DCC: variants seen among roughly 807,000 people sequenced by gnomAD.
DCC encodes DCC netrin 1 receptor, also known as netrin receptor DCC.
In DCC, 58 loss-of-function variants were observed where a neutral mutation model predicts 172.5. That is an observed-to-expected ratio of 0.34 (90% CI 0.27 to 0.42). DCC has a LOEUF of 0.42. DCC is among the 10% of genes least tolerant of loss of function. The pLI is 1.00. For synonymous variants in DCC, 709 were observed against 644.5 expected (o/e 1.10, Z -1.52); for missense variants, 1,740 against 1,791.0 (o/e 0.97, Z 0.51).
At chr18:53,092,574 C>G (rs9951892) in intron 7 of DCC, among the ~76,000 whole-genome samples, 1 of 152,034 alleles carries the variant, frequency 6.6e-6, no homozygotes, top group Non-Finnish European at 1.5e-5. Flanking sequence ...TTGACACAGT[C>G]AAGAAGGAAA....
At chr18:52,988,649 A>G (rs369683305) in intron 5 of DCC, among the ~76,000 whole-genome samples, 5 of 152,118 alleles carry the variant, frequency 3.3e-5, no homozygotes, top group East Asian at 3.8e-4. Context: ...ATTTGTTTCT[A>G]TTAGTTTATT....
At chr18:52,669,357 G>T (rs1189857330) in intron 1 of DCC, among the ~76,000 whole-genome samples, 2 of 152,140 alleles carry the variant, frequency 1.3e-5, no homozygotes, top group Non-Finnish European at 2.9e-5. Context: ...TAATCTTGTG[G>T]CTAATTTGTT....
At chr18:52,607,411 G>T (rs1044825882) in intron 1 of DCC, among the ~76,000 whole-genome samples, 2 of 152,104 alleles carry the variant, frequency 1.3e-5, no homozygotes, top group Admixed American at 1.3e-4. Flanking sequence ...ACTTAAAGAT[G>T]GGATTTTCAA....
At chr18:53,128,860 CACACACACACATATATATATATATATAT>C (rs1276043704) in intron 7 of DCC, among the ~76,000 whole-genome samples, 11 of 79,334 alleles carry the variant, frequency 1.4e-4, no homozygotes, top group South Asian at 6.4e-4. Context: ...CACACACACA[CACACACACACATATATATATATATATAT>C]ATATATATAT....
At chr18:53,182,804 A>G (rs930301936) in intron 9 of DCC, among the ~76,000 whole-genome samples, 2 of 151,944 alleles carry the variant, frequency 1.3e-5, no homozygotes, top group Non-Finnish European at 2.9e-5. Context: ...TTCCTTTCCC[A>G]TTCCTTCCTC....
intron 1 of DCC, among the ~76,000 whole-genome samples, chr18:52,461,677 G>T (rs1164516099): frequency 6.6e-6 from 1 of 152,160 alleles, no homozygotes; most frequent in African/African-American, 2.4e-5. Context: ...TGCGTACATT[G>T]TCTGTGATTA....
At chr18:53,234,066 C>T (rs771385653) in intron 12 of DCC, among the ~76,000 whole-genome samples, 3 of 152,118 alleles carry the variant, frequency 2.0e-5, no homozygotes, top group Non-Finnish European at 4.4e-5. Context: ...GCCTGACCAA[C>T]ATGGAGAAAC....
In DCC at chr18:52,919,949, C is replaced by A. The variant is rs1472185576; in HGVS notation, c.698-3758C>A. ...CAAATACAGTCAACTGATCTTTGAGCAAAATCAAGTCAGTGGAGAAAAAAA... is the reference window on the plus strand; with the variant it reads ...CAAATACAGTCAACTGATCTTTGAGAAAAATCAAGTCAGTGGAGAAAAAAA... On this transcript the variant is annotated intron_variant, in intron 3 of 28. Transcript: ENST00000442544. Among the ~76,000 whole-genome samples the A allele has an allele frequency of 4.0e-5, 5 of 125,330 alleles. No homozygotes were observed. The East Asian group carries it at 9.5e-4, about 24-fold the overall frequency. 82.2% of individuals were successfully genotyped at this position (125,330 alleles called of 152,430 possible). A position where few individuals can be genotyped will look rare whatever the true frequency, so the allele number is the denominator to read the frequency against.
At chr18:53,388,580 G>A (rs537106354) in intron 16 of DCC, among the ~76,000 whole-genome samples, 1 of 152,190 alleles carries the variant, frequency 6.6e-6, no homozygotes, top group Admixed American at 6.5e-5. Flanking sequence ...AAAGTCTCAC[G>A]TGGCCACATG....
At chr18:53,046,554 G>A (rs2042241062) in intron 5 of DCC, among the ~76,000 whole-genome samples, 1 of 151,710 alleles carries the variant, frequency 6.6e-6, no homozygotes, top group Admixed American at 6.6e-5. Flanking sequence ...TATTAATGTG[G>A]AAGGTCAGTA....
intron 7 of DCC, among the ~76,000 whole-genome samples, chr18:53,144,545 C>T (rs539217219): frequency 1.3e-5 from 2 of 152,164 alleles, no homozygotes; most frequent in African/African-American, 2.4e-5. Context: ...GTCATGAAAA[C>T]AGCATGGGAA....
chr18:53,513,653 G>A (rs970149597), intron 27 of DCC, among the ~76,000 whole-genome samples: 1 of 151,752 alleles, frequency 6.6e-6, no homozygotes, highest in African/African-American at 2.4e-5. Flanking sequence ...AAAAAGGCAG[G>A]GGTTGCAATC....
chr18:53,160,005 G>A (rs765223721), intron 8 of DCC, among the ~76,000 whole-genome samples: 2 of 152,090 alleles, frequency 1.3e-5, no homozygotes, highest in Non-Finnish European at 2.9e-5. Context: ...TCAAAGTATA[G>A]GAAGAAGGAG....
chr18:53,223,390 T>A (rs748340468), intron 12 of DCC, among the ~76,000 whole-genome samples: 6 of 152,142 alleles, frequency 3.9e-5, no homozygotes, highest in Admixed American at 6.6e-5. Context: ...TATTACCTTA[T>A]AATTTATACT....
chr18:53,042,540 C>T (rs1038323696), intron 5 of DCC, among the ~76,000 whole-genome samples: 2 of 151,890 alleles, frequency 1.3e-5, no homozygotes, highest in East Asian at 3.9e-4. Flanking sequence ...AGGGAGGAGT[C>T]CCTCTTTTTC....
At chr18:52,612,738 G>A (rs1568255735) in intron 1 of DCC, among the ~76,000 whole-genome samples, 1 of 152,102 alleles carries the variant, frequency 6.6e-6, no homozygotes, top group Non-Finnish European at 1.5e-5. Flanking sequence ...GGATTTGATT[G>A]TGGAAATTGT....
chr18:52,386,630 T>C (rs1485216318), intron 1 of DCC, among the ~76,000 whole-genome samples: 2 of 152,050 alleles, frequency 1.3e-5, no homozygotes, highest in East Asian at 3.9e-4. Context: ...AAAATGTGTG[T>C]TGGGAGATCT....
intron 1 of DCC, among the ~76,000 whole-genome samples, chr18:52,344,644 G>A (rs766489712): frequency 2.1e-5 from 3 of 144,534 alleles, no homozygotes; most frequent in Non-Finnish European, 4.7e-5. Flanking sequence ...TACCTGGTGC[G>A]GCATGTTTAA....
intron 27 of DCC, among the ~76,000 whole-genome samples, chr18:53,514,719 A>G (rs1485559858): frequency 1.4e-5 from 2 of 145,742 alleles, no homozygotes; most frequent in East Asian, 4.2e-4. Context: ...TAAATTCCTC[A>G]ACACATACAC....
Sources: gnomAD v4.1 joint callset for allele counts (sites outside exome capture counted in the v4.1 genomes callset) on GRCh38, gnomAD v4.1.1 for gene constraint, MANE v1.5 for transcripts, NCBI Gene and HGNC (gene_info 2026-07-23, HGNC 2026-07-21) for gene names.